Variants in LRP1B observed in about 807,000 individuals in gnomAD.
LRP1B encodes the protein LDL receptor related protein 1B, also known as low-density lipoprotein receptor-related protein 1B.
Under a neutral mutation model 556.6 loss-of-function variants are expected in LRP1B, and 217 were observed. The observed-to-expected ratio is 0.39, with a 90% CI of 0.35 to 0.44. The LOEUF (loss-of-function observed/expected upper bound fraction) is 0.44. Among genes scored for constraint, LRP1B ranks in the 20% least tolerant of loss-of-function variants. The pLI is 1.00. For missense variants in LRP1B, 5,053 were observed against 5,620.8 expected, an observed-to-expected ratio of 0.90 and a Z score of 3.23; for synonymous variants, 2,047 against 1,865.8, an observed-to-expected ratio of 1.10 and a Z score of -2.50.
chr2:141,771,099 A>C (rs1351804609), intron 2 of LRP1B, among the ~76,000 whole-genome samples: 2 of 152,186 alleles, frequency 1.3e-5, no homozygotes, highest in Admixed American at 6.5e-5. Flanking sequence ...AGTCCTTTTA[A>C]TTATCATTTT....
At chr2:140,619,350 A>G (rs1464640244) in intron 41 of LRP1B, among the ~76,000 whole-genome samples, 1 of 152,104 alleles carries the variant, frequency 6.6e-6, no homozygotes, top group African/African-American at 2.4e-5. Context: ...TGTAACACAC[A>G]TATCTATAAA....
chr2:140,811,318 C>A (rs1260665429), intron 32 of LRP1B, among the ~76,000 whole-genome samples: 2 of 152,094 alleles, frequency 1.3e-5, no homozygotes, highest in African/African-American at 2.4e-5. Flanking sequence ...GATACCTGCT[C>A]CATTTTTTGA....
chr2:141,621,436 T>C (rs973730386), intron 2 of LRP1B, among the ~76,000 whole-genome samples: 2 of 152,120 alleles, frequency 1.3e-5, no homozygotes, highest in Non-Finnish European at 2.9e-5. Flanking sequence ...AGAGATGAAT[T>C]CAGGCAAACT....
At chr2:141,975,619 A>C (rs1055662810) in intron 1 of LRP1B, among the ~76,000 whole-genome samples, 1 of 152,096 alleles carries the variant, frequency 6.6e-6, no homozygotes, top group African/African-American at 2.4e-5. Flanking sequence ...CCATTTTCAA[A>C]GCTGTGGAGT....
At chr2:141,732,495 T>C (rs1693311813) in intron 2 of LRP1B, among the ~76,000 whole-genome samples, 1 of 152,136 alleles carries the variant, frequency 6.6e-6, no homozygotes. Context: ...CCCTTCGTCT[T>C]TCTGTAGGCT....
intron 1 of LRP1B, among the ~76,000 whole-genome samples, chr2:142,126,438 G>A (rs1434170088): frequency 1.3e-5 from 2 of 151,756 alleles, no homozygotes; most frequent in African/African-American, 2.4e-5. Context: ...CACACACAGA[G>A]AGAGATTAAA....
At chr2:140,862,369 C>T (rs1692825468) in intron 27 of LRP1B, among the ~76,000 whole-genome samples, 1 of 152,190 alleles carries the variant, frequency 6.6e-6, no homozygotes, top group African/African-American at 2.4e-5. Flanking sequence ...CACAGCCACA[C>T]TTATTCATTT....
intron 77 of LRP1B, among the ~76,000 whole-genome samples, chr2:140,345,350 A>C (rs1030338453): frequency 5.9e-5 from 9 of 151,726 alleles, no homozygotes; most frequent in African/African-American, 1.9e-4. Flanking sequence ...ATTTCTTAGA[A>C]GTACACTAAA....
chr2:140,315,989 C>T (rs1684504555), intron 82 of LRP1B, among the ~76,000 whole-genome samples: 1 of 152,110 alleles, frequency 6.6e-6, no homozygotes, highest in Non-Finnish European at 1.5e-5. Context: ...TACTTAATAA[C>T]ATTTTGACTC....
Position 141,810,328 on chromosome 2 carries a change from A to G in LRP1B, c.156T>C (p.Cys52=), listed in dbSNP as rs201099542. 1.4e-5 allele frequency: 22 copies of G among 1,613,258 alleles called. No individual in the cohort carries two copies. The highest frequency in any genetic ancestry group is 1.7e-5 in the Non-Finnish European group (20 of 1,179,526). ...HVTCVSQSWL[C]DGDPDCPDDS... Reference sequence around the variant, plus strand: ...CATCAGGGCAGTCAGGGTCCCCATCACACAGCCAGCTCTGGGAGACACAAG... The same window carrying G: ...CATCAGGGCAGTCAGGGTCCCCATCGCACAGCCAGCTCTGGGAGACACAAG... Residue 52 remains cysteine, a synonymous_variant, in exon 2 of 91, where the codon TGT becomes TGC. Transcript: ENST00000389484.
chr2:140,754,217 C>T (rs1412094530), intron 35 of LRP1B, among the ~76,000 whole-genome samples: 1 of 152,150 alleles, frequency 6.6e-6, no homozygotes, highest in African/African-American at 2.4e-5. Context: ...TAAGAGCAGG[C>T]TGCAGTTTTA....
chr2:141,574,866 G>A (rs893307482), intron 2 of LRP1B, among the ~76,000 whole-genome samples: 4 of 152,030 alleles, frequency 2.6e-5, no homozygotes, highest in Non-Finnish European at 5.9e-5. Context: ...TCATTACAAA[G>A]AGAATAGAAT....
At chr2:140,531,486 A>T (rs987196924) in intron 47 of LRP1B, among the ~76,000 whole-genome samples, 1 of 152,168 alleles carries the variant, frequency 6.6e-6, no homozygotes, top group Non-Finnish European at 1.5e-5. Flanking sequence ...CTTAGATGAT[A>T]ATCTATGCAA....
At chr2:140,789,300 C>T (rs2104981618) in intron 32 of LRP1B, among the ~76,000 whole-genome samples, 1 of 152,224 alleles carries the variant, frequency 6.6e-6, no homozygotes, top group Non-Finnish European at 1.5e-5. Context: ...AAATTACTTA[C>T]CTGGGTCTTG....
rs373908669 is a variant in LRP1B at position 140,684,549 on chromosome 2, A to G, written c.6799+15701T>C. 3.3e-5 allele frequency among the ~76,000 whole-genome samples: 5 copies of G among 152,324 alleles called. No homozygotes were observed. The East Asian group carries it at 9.7e-4, about 29-fold the overall frequency. On this transcript the variant is annotated intron_variant, in intron 41 of 90. Coordinates refer to ENST00000389484, the MANE Select transcript of LRP1B (RefSeq NM_018557.3). ...TCCCAGTTTTGTGAATAAAACAAAA[A>G]TAGAGAAGTTTTTGCCATTTTCAGA...
At chr2:141,507,896 A>C (rs1243652721) in intron 2 of LRP1B, among the ~76,000 whole-genome samples, 1 of 151,896 alleles carries the variant, frequency 6.6e-6, no homozygotes, top group Non-Finnish European at 1.5e-5. Context: ...GTCCAGCCTG[A>C]CCAATATGGT....
intron 1 of LRP1B, among the ~76,000 whole-genome samples, chr2:142,086,469 G>C (rs1481917598): frequency 2.0e-5 from 3 of 152,098 alleles, no homozygotes; most frequent in Admixed American, 6.5e-5. Flanking sequence ...TCTGGGCGTG[G>C]TGGCGGGCGC....
intron 2 of LRP1B, among the ~76,000 whole-genome samples, chr2:141,728,488 G>T (rs1558833155): frequency 6.6e-6 from 1 of 152,142 alleles, no homozygotes; most frequent in Middle Eastern, 3.4e-3. Context: ...CAAATCCAGG[G>T]CTTTGAGGAA....
At chr2:141,374,817 C>T (rs559945963) in intron 3 of LRP1B, among the ~76,000 whole-genome samples, 5 of 152,258 alleles carry the variant, frequency 3.3e-5, no homozygotes, top group African/African-American at 1.2e-4. Flanking sequence ...TCTTATATCA[C>T]ATTGAGCGTC....
Sources: gnomAD v4.1 joint callset for allele counts (sites outside exome capture counted in the v4.1 genomes callset) on GRCh38, gnomAD v4.1.1 for gene constraint, MANE v1.5 for transcripts, NCBI Gene and HGNC (gene_info 2026-07-23, HGNC 2026-07-21) for gene names.